The following OXSR1 variants were observed in gnomAD, a reference collection of about 807,000 sequenced individuals.
OXSR1 encodes the protein oxidative stress responsive kinase 1.
OXSR1 carries 24 observed loss-of-function variants against 79.8 expected under a neutral mutation model. The observed-to-expected ratio is 0.30, with a 90% CI of 0.22 to 0.42. The LOEUF (loss-of-function observed/expected upper bound fraction) is 0.42. Ranked by LOEUF, OXSR1 falls within the 10% of genes least tolerant of loss-of-function variation. The probability of loss-of-function intolerance (pLI) is 1.00; values close to 1 mark genes in which losing one functional copy is unlikely to be tolerated. For missense variants in OXSR1, 430 were observed against 618.4 expected (o/e 0.70, Z 3.23); for synonymous variants, 226 against 209.2 (o/e 1.08, Z -0.69).
intron 1 of OXSR1, among the ~76,000 whole-genome samples, chr3:38,166,973 C>T (rs558978114): frequency 1.3e-5 from 2 of 152,050 alleles, no homozygotes; most frequent in East Asian, 3.9e-4. Context: ...GGATTAAGAG[C>T]CTCGGGAAGA....
At chr3:38,247,523 C>T in intron 13 of OXSR1, 145 bp from the exon 14 acceptor site, 2 of 559,270 alleles carry the variant, frequency 3.6e-6, no homozygotes, top group Admixed American at 5.8e-5. Context: ...CCTCCTCCAG[C>T]AGGGAATGTC....
At chr3:38,178,620 AT>A (rs71085303) in intron 1 of OXSR1, among the ~76,000 whole-genome samples, 11,431 of 94,116 alleles carry the variant, frequency 0.12, 394 homozygotes, top group East Asian at 0.18. Flanking sequence ...ATATATATAT[AT>A]TTTTTTTTTT....
At chr3:38,206,443 C>T (rs1702264767) in intron 4 of OXSR1, among the ~76,000 whole-genome samples, 2 of 149,670 alleles carry the variant, frequency 1.3e-5, no homozygotes, top group South Asian at 4.2e-4. Flanking sequence ...CAAAATAAAG[C>T]AGAAACTGAA....
chr3:38,178,642 C>CT (rs1701723740), intron 1 of OXSR1, among the ~76,000 whole-genome samples: 3 of 82,520 alleles, frequency 3.6e-5, no homozygotes, highest in Non-Finnish European at 5.0e-5. Flanking sequence ...TTTTTTTTTT[C>CT]TTTTTTTGTA....
At chr3:38,193,283 G>A (rs1445629475) in intron 3 of OXSR1, 5 of 1,289,644 alleles carry the variant, frequency 3.9e-6, no homozygotes, top group Non-Finnish European at 5.1e-6. Context: ...TCCCATTAGT[G>A]ACACACTGGA....
At position 38,249,914 on chromosome 3, in the gene OXSR1, CT is replaced by C. The variant is rs11340520; in HGVS notation, c.1323-49del. 1,580 of 1,089,684 alleles carry C rather than the reference CT, an allele frequency of 1.4e-3. 19 individuals carry two copies. The African/African-American group carries it at 0.022, about 15-fold the overall frequency. The allele number at this position is 1,089,684 out of a possible 1,614,324, so 67.5% of individuals were successfully genotyped here. A position where few individuals can be genotyped will look rare whatever the true frequency, so the allele number is the denominator to read the frequency against. On this transcript the variant is annotated intron_variant, in intron 14 of 17. Coordinates refer to ENST00000311806, the MANE Select transcript of OXSR1 (RefSeq NM_005109.3). Reference sequence around the variant, plus strand: ...TTCTTAATATATGTTGGCAGAATCTCTTTGCATAAATTTAGAAATTCTTATT... The same window carrying C: ...TTCTTAATATATGTTGGCAGAATCTCTTGCATAAATTTAGAAATTCTTATT...
At chr3:38,206,541 C>A (rs1434632572) in intron 4 of OXSR1, among the ~76,000 whole-genome samples, 1 of 149,074 alleles carries the variant, frequency 6.7e-6, no homozygotes, top group Non-Finnish European at 1.5e-5. Context: ...ATGTATACTT[C>A]AGTGGATGTT....
intron 8 of OXSR1, among the ~76,000 whole-genome samples, chr3:38,229,403 T>A (rs1380816104): frequency 6.6e-6 from 1 of 151,848 alleles, no homozygotes; most frequent in African/African-American, 2.4e-5. Flanking sequence ...GCAAATATAT[T>A]AGACTCTATT....
chr3:38,189,921 T>G (rs1321547867), intron 2 of OXSR1, among the ~76,000 whole-genome samples: 3 of 152,182 alleles, frequency 2.0e-5, no homozygotes, highest in African/African-American at 7.2e-5. Context: ...ATCCAGTATT[T>G]TATGTACCAT....
intron 3 of OXSR1, among the ~76,000 whole-genome samples, chr3:38,196,619 C>T (rs971353355): frequency 3.3e-5 from 5 of 152,200 alleles, no homozygotes; most frequent in African/African-American, 1.2e-4. Flanking sequence ...TTAATCTTCC[C>T]ATTGATCATT....
In OXSR1 at chr3:38,165,899, T is replaced by C. The variant is rs1701440727; in HGVS notation, c.23T>C (p.Leu8Pro). Residue 8 changes from leucine to proline, a missense_variant, in exon 1 of 18, where the codon CTG becomes CCG. Around this residue, in one of 3 missense-constraint regions of OXSR1, gnomAD observed 145 missense variants for 228.3 expected, o/e 0.64. Coordinates refer to ENST00000311806, the MANE Select transcript of OXSR1 (RefSeq NM_005109.3). ...GTCATGTCCGAGGACTCGAGCGCCC[T>C]GCCCTGGTCCATCAACAGGGACGAT... MSEDSSA[L>P]PWSINRDDYE... 1 of 1,611,498 alleles carries C rather than the reference T, an allele frequency of 6.2e-7. No individual in the cohort carries two copies. The highest frequency in any genetic ancestry group is 8.5e-7 in the Non-Finnish European group (1 of 1,179,554).
chr3:38,227,367 G>A (rs1050021421), intron 8 of OXSR1, among the ~76,000 whole-genome samples: 1 of 152,024 alleles, frequency 6.6e-6, no homozygotes, highest in Non-Finnish European at 1.5e-5. Context: ...AATAAATGGT[G>A]GAATCAGAAT....
chr3:38,193,482 GA>G (rs1702020481), intron 3 of OXSR1: 4 of 1,029,346 alleles, frequency 3.9e-6, no homozygotes, highest in Admixed American at 2.4e-5. Flanking sequence ...TAATTTACGA[GA>G]ATATGTAATA....
chr3:38,167,235 T>C (rs550161793), intron 1 of OXSR1, among the ~76,000 whole-genome samples: 2 of 152,294 alleles, frequency 1.3e-5, no homozygotes, highest in South Asian at 4.1e-4. Flanking sequence ...GGAATACCAG[T>C]TGGCAGAGAC....
intron 5 of OXSR1, among the ~76,000 whole-genome samples, chr3:38,218,588 A>G (rs1258664481): frequency 6.6e-6 from 1 of 152,046 alleles, no homozygotes; most frequent in Non-Finnish European, 1.5e-5. Flanking sequence ...CCCTTATCAG[A>G]TGTATGATTT....
chr3:38,211,582 A>C (rs905262562), intron 4 of OXSR1, among the ~76,000 whole-genome samples: 18 of 152,190 alleles, frequency 1.2e-4, no homozygotes, highest in Admixed American at 1.1e-3. Context: ...ACCTTTGGTA[A>C]GCATATCTTT....
intron 11 of OXSR1, among the ~76,000 whole-genome samples, chr3:38,241,837 C>T (rs1262395870): frequency 6.9e-6 from 1 of 145,070 alleles, no homozygotes; most frequent in African/African-American, 2.5e-5. Flanking sequence ...TTGGGTTGGT[C>T]ACTTACTTGG....
rs146712809 is a variant in OXSR1, at chr3:38,195,471, G to T, written c.293-3251G>T. Among the ~76,000 whole-genome samples the T allele has an allele frequency of 2.0e-3, 300 of 152,254 alleles. 1 individual carries two copies. The highest frequency in any genetic ancestry group is 7.1e-3 in the African/African-American group (293 of 41,556). On this transcript the variant is annotated intron_variant, in intron 3 of 17. Transcript: ENST00000311806. ...CTGTAACATCTTTTGGTCTAAAATG[G>T]AATACTCAGACCAAGCAAATTTTGG...
intron 1 of OXSR1, among the ~76,000 whole-genome samples, chr3:38,168,983 A>G (rs1038154915): frequency 6.6e-6 from 1 of 152,228 alleles, no homozygotes; most frequent in African/African-American, 2.4e-5. Flanking sequence ...TATACCCAGG[A>G]GTGGAATTGC....
Sources: allele counts gnomAD v4.1 joint callset (sites outside exome capture counted in the v4.1 genomes callset), GRCh38; gene constraint gnomAD v4.1.1; regional missense constraint gnomAD v4.1.1; transcripts MANE v1.5; gene names NCBI Gene and HGNC (gene_info 2026-07-23, HGNC 2026-07-21).